CDH2: variants seen among roughly 807,000 people sequenced by gnomAD.
The protein encoded by CDH2 is cadherin 2.
A neutral mutation model predicts 92.0 loss-of-function variants in CDH2; 17 were observed. That is an observed-to-expected ratio of 0.18 (90% CI 0.13 to 0.28). CDH2 has a LOEUF of 0.28. Among genes scored for constraint, CDH2 ranks in the 10% least tolerant of loss-of-function variants. The probability of loss-of-function intolerance (pLI) is 1.00; values close to 1 mark genes in which losing one functional copy is unlikely to be tolerated. For synonymous variants in CDH2, 419 were observed against 415.9 expected, an observed-to-expected ratio of 1.01 and a Z score of -0.09; for missense variants, 862 against 1,133.1, an observed-to-expected ratio of 0.76 and a Z score of 3.44.
intron 2 of CDH2, among the ~76,000 whole-genome samples, chr18:28,029,184 C>T (rs1567970946): frequency 6.6e-6 from 1 of 152,064 alleles, no homozygotes; most frequent in Non-Finnish European, 1.5e-5. Flanking sequence ...CAGTTCAACT[C>T]ACTCAGGTCT....
At chr18:27,970,298 C>G (rs1213581196) in intron 14 of CDH2, among the ~76,000 whole-genome samples, 1 of 152,146 alleles carries the variant, frequency 6.6e-6, no homozygotes, top group African/African-American at 2.4e-5. Context: ...ATGTTGGGTT[C>G]CATGTTTTCA....
Position 28,177,075 on chromosome 18 carries a change from C to T in CDH2, c.-53G>A. 2 of 1,368,190 alleles carry T rather than the reference C, an allele frequency of 1.5e-6. No homozygotes were observed. The highest frequency in any genetic ancestry group is 2.0e-6 in the Non-Finnish European group (2 of 1,018,012). 84.8% of individuals were successfully genotyped at this position (1,368,190 alleles called of 1,614,324 possible). On this transcript the variant is annotated 5_prime_UTR_variant, in exon 1 of 16. Coordinates refer to ENST00000269141, the MANE Select transcript of CDH2 (RefSeq NM_001792.5). Reference sequence around the variant, plus strand: ...CCGGAGGAGGCGGCGGCGGCGGCGGCGGCGGCGGAGGAGGAGGAGGCAGCG... The same window carrying T: ...CCGGAGGAGGCGGCGGCGGCGGCGGTGGCGGCGGAGGAGGAGGAGGCAGCG...
At chr18:28,157,762 A>G (rs1249939032) in intron 1 of CDH2, among the ~76,000 whole-genome samples, 1 of 152,142 alleles carries the variant, frequency 6.6e-6, no homozygotes, top group Non-Finnish European at 1.5e-5. Flanking sequence ...AACAATTTCA[A>G]TGTTTCTGTT....
chr18:28,121,701 C>A (rs1474264190), intron 2 of CDH2, among the ~76,000 whole-genome samples: 1 of 150,582 alleles, frequency 6.6e-6, no homozygotes, highest in Non-Finnish European at 1.5e-5. Flanking sequence ...CCAAAAAAAA[C>A]AGACACTGTA....
At chr18:28,133,222 T>G (rs1007600017) in intron 2 of CDH2, among the ~76,000 whole-genome samples, 2 of 152,220 alleles carry the variant, frequency 1.3e-5, no homozygotes, top group Non-Finnish European at 2.9e-5. Context: ...TGTTTACATC[T>G]GAATTTCCAT....
At chr18:28,168,672 T>C (rs530263330) in intron 1 of CDH2, 2 of 353,192 alleles carry the variant, frequency 5.7e-6, no homozygotes, top group East Asian at 1.7e-4. Context: ...GCTTCTAAAA[T>C]GTTTTTTCTC....
intron 2 of CDH2, among the ~76,000 whole-genome samples, chr18:28,058,722 C>T (rs1430916264): frequency 6.6e-6 from 1 of 152,090 alleles, no homozygotes; most frequent in Non-Finnish European, 1.5e-5. Flanking sequence ...ATATTAGCAA[C>T]ATCCCTAATC....
intron 2 of CDH2, among the ~76,000 whole-genome samples, chr18:28,022,228 GCTTAC>G (rs1324772618): frequency 6.6e-6 from 1 of 151,882 alleles, no homozygotes; most frequent in Non-Finnish European, 1.5e-5. Flanking sequence ...CCATGTCAGG[GCTTAC>G]CAATCCTTTC....
At chr18:27,961,019 TAAAAAA>T (rs1369177677) in intron 15 of CDH2, among the ~76,000 whole-genome samples, 2 of 123,676 alleles carry the variant, frequency 1.6e-5, no homozygotes, top group African/African-American at 5.6e-5. Flanking sequence ...TAGTCATTGT[TAAAAAA>T]AGAACAAAAA....
At chr18:28,007,411 C>T (rs2012969457) in intron 5 of CDH2, among the ~76,000 whole-genome samples, 2 of 151,446 alleles carry the variant, frequency 1.3e-5, no homozygotes, top group Admixed American at 1.3e-4. Context: ...TGGAATGCTT[C>T]TAGTTTTCAT....
intron 11 of CDH2, among the ~76,000 whole-genome samples, chr18:27,986,295 T>G (rs1406615356): frequency 6.6e-6 from 1 of 152,160 alleles, no homozygotes; most frequent in Non-Finnish European, 1.5e-5. Flanking sequence ...GAAATGATAT[T>G]TACTAACCAA....
chr18:27,955,244 CATT>C (rs1441990179), intron 15 of CDH2, among the ~76,000 whole-genome samples: 4 of 151,698 alleles, frequency 2.6e-5, no homozygotes, highest in African/African-American at 9.7e-5. Context: ...TTAGGGATAG[CATT>C]AGGAGAAATA....
chr18:28,074,492 C>T (rs752920073), intron 2 of CDH2, among the ~76,000 whole-genome samples: 1 of 152,030 alleles, frequency 6.6e-6, no homozygotes, highest in Non-Finnish European at 1.5e-5. Flanking sequence ...GTGATCCACC[C>T]GCATCAGCCT....
At chr18:28,079,010 G>T (rs1316316707) in intron 2 of CDH2, among the ~76,000 whole-genome samples, 1 of 152,118 alleles carries the variant, frequency 6.6e-6, no homozygotes, top group African/African-American at 2.4e-5. Flanking sequence ...TGGGCTGTTG[G>T]TTCCTTAAGT....
chr18:28,161,735 A>T lies in CDH2; in HGVS notation c.61-13951T>A, dbSNP rs550669625. Reference sequence around the variant, plus strand: ...ACTTGATGACTAAGAACATGAGCTCAACAGTCAATCCAAAATTTGGGGACC... The same window carrying T: ...ACTTGATGACTAAGAACATGAGCTCTACAGTCAATCCAAAATTTGGGGACC... On this transcript the variant is annotated intron_variant, in intron 1 of 15. Transcript: ENST00000269141. Among the ~76,000 whole-genome samples, 69 of 152,266 alleles carry T rather than the reference A, an allele frequency of 4.5e-4. No individual in the cohort carries two copies. The South Asian group carries it at 0.014, about 32-fold the overall frequency.
chr18:28,093,569 TAA>T lies in CDH2; in HGVS notation c.172+54102_172+54103del, dbSNP rs59662910. Among the ~76,000 whole-genome samples the T allele has an allele frequency of 5.1e-4, 76 of 149,060 alleles. 1 individual carries two copies. The East Asian group carries it at 8.5e-3, about 17-fold the overall frequency. Reference sequence around the variant, plus strand: ...TTATCTTTTAAAGTCTAAGCAAAGTTAAAAAAAAAAAGAAAACAAAACAAAAC... The same window carrying T: ...TTATCTTTTAAAGTCTAAGCAAAGTTAAAAAAAAAGAAAACAAAACAAAAC... On this transcript the variant is annotated intron_variant, in intron 2 of 15. Coordinates refer to ENST00000269141, the MANE Select transcript of CDH2 (RefSeq NM_001792.5).
intron 2 of CDH2, among the ~76,000 whole-genome samples, chr18:28,053,794 G>A (rs1004450377): frequency 1.3e-5 from 2 of 152,152 alleles, no homozygotes; most frequent in Non-Finnish European, 2.9e-5. Context: ...TTGGTGCCCA[G>A]TGTGGCACTG....
intron 14 of CDH2, among the ~76,000 whole-genome samples, chr18:27,975,985 G>A (rs962499609): frequency 1.1e-4 from 16 of 152,268 alleles, no homozygotes; most frequent in African/African-American, 3.4e-4. Flanking sequence ...TCTTCTACCG[G>A]CTGAGTCTGG....
chr18:28,003,214 A>T, intron 6 of CDH2, 45 bp from the exon 7 acceptor site: 1 of 1,448,302 alleles, frequency 6.9e-7, no homozygotes. Context: ...CCTTCATTCC[A>T]GGGACCCCAA....
Sources: gnomAD v4.1 joint callset for allele counts (sites outside exome capture counted in the v4.1 genomes callset) on GRCh38, gnomAD v4.1.1 for gene constraint, MANE v1.5 for transcripts, NCBI Gene and HGNC (gene_info 2026-07-23, HGNC 2026-07-21) for gene names.